Variants in FGF12 observed in about 807,000 individuals in gnomAD.
FGF12 encodes fibroblast growth factor 12B.
Under a neutral mutation model 23.6 loss-of-function variants are expected in FGF12, and 14 were observed. The ratio of observed to expected loss-of-function variants is 0.59; its 90% CI spans 0.39 to 0.93. The LOEUF (loss-of-function observed/expected upper bound fraction) is 0.93, where lower values mean the gene tolerates loss of function less well. Ranked by LOEUF, FGF12 falls within the 40% of genes least tolerant of loss-of-function variation. The pLI is 0.00. For synonymous variants in FGF12, 62 were observed against 77.3 expected, an observed-to-expected ratio of 0.80 and a Z score of 1.04; for missense variants, 175 against 217.8, an observed-to-expected ratio of 0.80 and a Z score of 1.24.
chr3:192,359,656 T>A (rs767589596), intron 3 of FGF12, among the ~76,000 whole-genome samples: 13 of 152,262 alleles, frequency 8.5e-5, no homozygotes, highest in Non-Finnish European at 1.8e-4. Context: ...TTGACATTTT[T>A]CTAGACTGCA....
chr3:192,572,802 AG>A (rs35752912), intron 2 of FGF12, among the ~76,000 whole-genome samples: 1 of 152,238 alleles, frequency 6.6e-6, no homozygotes, highest in Admixed American at 6.5e-5. Flanking sequence ...TTTAAAATGC[AG>A]GGGACTCACT....
chr3:192,636,531 G>T (rs1419395054), intron 2 of FGF12, among the ~76,000 whole-genome samples: 1 of 152,208 alleles, frequency 6.6e-6, no homozygotes, highest in East Asian at 1.9e-4. Context: ...AAGGTGTCAT[G>T]CTACATCTTT....
intron 2 of FGF12, among the ~76,000 whole-genome samples, chr3:192,455,266 C>G (rs772530873): frequency 3.3e-5 from 5 of 152,314 alleles, no homozygotes; most frequent in Non-Finnish European, 7.3e-5. Flanking sequence ...GGATCAAAAG[C>G]TCTCTGAGCC....
intron 4 of FGF12, among the ~76,000 whole-genome samples, chr3:192,229,862 C>T (rs933424941): frequency 6.6e-6 from 1 of 152,106 alleles, no homozygotes; most frequent in African/African-American, 2.4e-5. Flanking sequence ...ACCTGAAAAG[C>T]TTGAAATTGT....
chr3:192,278,480 C>T (rs1181570400), intron 4 of FGF12, among the ~76,000 whole-genome samples: 1 of 152,118 alleles, frequency 6.6e-6, no homozygotes, highest in Non-Finnish European at 1.5e-5. Flanking sequence ...AAAGCAAGGG[C>T]AAGGAGCTCA....
chr3:192,532,629 G>A (rs543633111), intron 2 of FGF12, among the ~76,000 whole-genome samples: 1 of 151,934 alleles, frequency 6.6e-6, no homozygotes, highest in African/African-American at 2.4e-5. Flanking sequence ...GTTCTTAAAG[G>A]CAGAGTTTAA....
intron 4 of FGF12, among the ~76,000 whole-genome samples, chr3:192,269,071 C>T (rs1193986941): frequency 2.0e-5 from 3 of 151,958 alleles, no homozygotes; most frequent in Non-Finnish European, 2.9e-5. Context: ...TGTGCCACCA[C>T]GCCTGGCTAA....
chr3:192,694,583 A>G (rs1718049349), intron 2 of FGF12, among the ~76,000 whole-genome samples: 1 of 151,998 alleles, frequency 6.6e-6, no homozygotes, highest in Admixed American at 6.6e-5. Flanking sequence ...ATATATACAT[A>G]TACGTACATA....
chr3:192,217,283 G>A (rs1048256468), intron 4 of FGF12, among the ~76,000 whole-genome samples: 3 of 152,190 alleles, frequency 2.0e-5, no homozygotes, highest in Non-Finnish European at 2.9e-5. Context: ...AGCGCTATAT[G>A]AGCGTCTGCT....
chr3:192,341,666 GAGA>G (rs1204213685), intron 3 of FGF12, among the ~76,000 whole-genome samples: 1 of 152,104 alleles, frequency 6.6e-6, no homozygotes, highest in Non-Finnish European at 1.5e-5. Context: ...TAAGTGGAAG[GAGA>G]AGATGAGAGA....
chr3:192,432,472 G>A (rs954837665), intron 2 of FGF12, among the ~76,000 whole-genome samples: 1 of 152,052 alleles, frequency 6.6e-6, no homozygotes, highest in Admixed American at 6.6e-5. Flanking sequence ...ATCACTCTCT[G>A]GATTGTGTTG....
At chr3:192,640,597 T>C (rs534347843) in intron 2 of FGF12, among the ~76,000 whole-genome samples, 302 of 152,314 alleles carry the variant, frequency 2.0e-3, no homozygotes, top group Admixed American at 4.9e-3. Flanking sequence ...TAACATGGCC[T>C]GCCAGTGTCC....
intron 2 of FGF12, among the ~76,000 whole-genome samples, chr3:192,464,921 G>A (rs56232818): frequency 0.077 from 11,779 of 152,206 alleles, 605 homozygotes; most frequent in South Asian, 0.21. Flanking sequence ...GCATCAAGTG[G>A]AGGAGAAGTT....
intron 4 of FGF12, among the ~76,000 whole-genome samples, chr3:192,289,120 T>C (rs1287121602): frequency 2.6e-5 from 4 of 152,166 alleles, no homozygotes; most frequent in Non-Finnish European, 4.4e-5. Context: ...TTTTAAATGA[T>C]TTGATCAGCC....
chr3:192,363,723 CGTAA>C (rs1217629194), intron 2 of FGF12, among the ~76,000 whole-genome samples: 1 of 152,068 alleles, frequency 6.6e-6, no homozygotes, highest in Non-Finnish European at 1.5e-5. Context: ...ACTCAGCTAT[CGTAA>C]GTGAGAATCT....
intron 2 of FGF12, among the ~76,000 whole-genome samples, chr3:192,432,408 C>T (rs1041399928): frequency 6.6e-6 from 1 of 151,948 alleles, no homozygotes; most frequent in Non-Finnish European, 1.5e-5. Flanking sequence ...AATGCATACC[C>T]TATATAATCC....
intron 2 of FGF12, among the ~76,000 whole-genome samples, chr3:192,597,468 A>G (rs1189306178): frequency 6.6e-6 from 1 of 152,234 alleles, no homozygotes; most frequent in African/African-American, 2.4e-5. Flanking sequence ...ACTGTTTTGC[A>G]GTGCAGGAAT....
At position 192,313,442 on chromosome 3, in the gene FGF12, T is replaced by C. The variant is rs375450288; in HGVS notation, c.228+21919A>G. 4.6e-4 allele frequency among the ~76,000 whole-genome samples: 70 copies of C among 152,284 alleles called. No homozygotes were observed. The East Asian group carries it at 5.4e-3, about 12-fold the overall frequency. Reference sequence around the variant, plus strand: ...TTCACACTTCCCTGAAGAGAAAACCTTTTCCCATCTATTGAAATCGAAGAA... The same window carrying C: ...TTCACACTTCCCTGAAGAGAAAACCCTTTCCCATCTATTGAAATCGAAGAA... On this transcript the variant is annotated intron_variant, in intron 4 of 5. Coordinates refer to ENST00000445105, the MANE Select transcript of FGF12 (RefSeq NM_004113.6).
chr3:192,625,015 A>G (rs535109810), intron 2 of FGF12, among the ~76,000 whole-genome samples: 2 of 152,256 alleles, frequency 1.3e-5, no homozygotes, highest in South Asian at 4.1e-4. Flanking sequence ...TAGTCCATAT[A>G]GCACATTAAA....
Sources: allele counts gnomAD v4.1 joint callset (sites outside exome capture counted in the v4.1 genomes callset), GRCh38; gene constraint gnomAD v4.1.1; transcripts MANE v1.5; gene names NCBI Gene and HGNC (gene_info 2026-07-23, HGNC 2026-07-21).